The following ZFHX3 variants were observed in gnomAD, a reference collection of about 807,000 sequenced individuals.
The protein encoded by ZFHX3 is zinc finger homeobox 3.
Under a neutral mutation model 279.1 loss-of-function variants are expected in ZFHX3, and 42 were observed. The ratio of observed to expected loss-of-function variants is 0.15; its 90% confidence interval spans 0.12 to 0.19. ZFHX3 has a LOEUF of 0.19. ZFHX3 is among the 10% of genes least tolerant of loss of function. The pLI, the probability that ZFHX3 is intolerant of heterozygous loss-of-function variation, is 1.00. For synonymous variants in ZFHX3, 2,293 were observed against 1,957.8 expected (o/e 1.17, Z -4.52); for missense variants, 4,981 against 4,754.0 (o/e 1.05, Z -1.40).
In ZFHX3 at chr16:72,788,140, T is replaced by C; in HGVS notation, c.10136A>G (p.Gln3379Arg). 3 of 1,611,144 alleles carry C rather than the reference T, an allele frequency of 1.9e-6. No individual in the cohort carries two copies. The highest frequency in any genetic ancestry group is 2.5e-6 in the Non-Finnish European group (3 of 1,179,252). The change falls in exon 10 of 10, where the codon CAG becomes CGG. Residue 3379 changes from glutamine to arginine, a missense_variant. Coordinates refer to ENST00000268489, the MANE Select transcript of ZFHX3 (RefSeq NM_006885.4). The part of the protein sequence containing the change: ...QSLQEAIQQQ[Q>R]QRQLQQQQQQ... ...CTGCTGCTGCTGTAGTTGCCGCTGC[T>C]GCTGCTGCTGAATTGCCTCCTGCAG...
chr16:73,021,850 A>C (rs1407852933), intron 1 of ZFHX3, among the ~76,000 whole-genome samples: 7 of 151,598 alleles, frequency 4.6e-5, no homozygotes, highest in Admixed American at 4.6e-4. Context: ...AAAAAAAAAA[A>C]AAATCAATGA....
intron 8 of ZFHX3, among the ~76,000 whole-genome samples, chr16:73,069,603 G>C (rs1041421110): frequency 6.6e-6 from 1 of 152,206 alleles, no homozygotes; most frequent in Non-Finnish European, 1.5e-5. Flanking sequence ...TTGGTGGGTA[G>C]AGAAGGGGAA....
chr16:73,811,424 C>T (rs1960420690), intron 1 of ZFHX3, among the ~76,000 whole-genome samples: 1 of 151,504 alleles, frequency 6.6e-6, no homozygotes, highest in Non-Finnish European at 1.5e-5. Context: ...GATCTTCAAT[C>T]CCTTCAGTCT....
chr16:73,587,370 G>T (rs1327873545), intron 2 of ZFHX3, among the ~76,000 whole-genome samples: 3 of 152,196 alleles, frequency 2.0e-5, no homozygotes, highest in African/African-American at 7.2e-5. Context: ...AAAATTGGCT[G>T]TACAACAATT....
rs919696180 is a variant in ZFHX3 at position 72,861,923 on chromosome 16, G to A, written c.3448+27808C>T. On this transcript the variant is annotated intron_variant, in intron 4 of 9. Coordinates refer to ENST00000268489, the MANE Select transcript of ZFHX3 (RefSeq NM_006885.4). ...CCAACTACTAGGGAGGCTGAGGCAC[G>A]AGAATTGCTTGAACCCGGGAGGCAG... 8.5e-5 allele frequency among the ~76,000 whole-genome samples: 13 copies of A among 152,134 alleles called. No homozygotes were observed. In the South Asian group the frequency reaches 1.7e-3, roughly 19 times the overall value.
At chr16:73,371,545 A>G (rs2016630722) in intron 3 of ZFHX3, among the ~76,000 whole-genome samples, 1 of 151,814 alleles carries the variant, frequency 6.6e-6, no homozygotes, top group South Asian at 2.1e-4. Context: ...CCCAGTGTTA[A>G]ATGATAAGAA....
At chr16:73,003,568 T>C (rs1597078602) in intron 1 of ZFHX3, among the ~76,000 whole-genome samples, 1 of 121,482 alleles carries the variant, frequency 8.2e-6, no homozygotes. Flanking sequence ...TAGCTGGGAG[T>C]GATGGCGGGC....
intron 4 of ZFHX3, among the ~76,000 whole-genome samples, chr16:72,880,112 A>C (rs1028274454): frequency 3.9e-5 from 6 of 152,180 alleles, no homozygotes; most frequent in African/African-American, 1.4e-4. Flanking sequence ...AAACCAGAGA[A>C]GGCCTGGTGG....
chr16:72,838,814 A>C (rs929947535), intron 4 of ZFHX3, among the ~76,000 whole-genome samples: 3 of 152,266 alleles, frequency 2.0e-5, no homozygotes, highest in Non-Finnish European at 4.4e-5. Flanking sequence ...GCAGAAATCC[A>C]GAAAGGATAA....
At chr16:73,072,944 T>C (rs1036401240) in intron 8 of ZFHX3, among the ~76,000 whole-genome samples, 2 of 152,128 alleles carry the variant, frequency 1.3e-5, no homozygotes, top group African/African-American at 4.8e-5. Flanking sequence ...GTGCCCAGAC[T>C]GGAGTGCATT....
rs112837442 is a variant in ZFHX3, at chr16:73,783,316, C to T, written c.-1607-103076G>A. Among the ~76,000 whole-genome samples the T allele has an allele frequency of 6.3e-3, 957 of 152,320 alleles. 13 individuals are homozygous for T. Among genetic ancestry groups the T allele is most frequent in the African/African-American group, 0.022 (922 of 41,572 alleles). On this transcript the variant is annotated intron_variant, in intron 1 of 17. Coordinates refer to the ZFHX3 transcript ENST00000641206. ...TCTGCTGAGGCCTCTGCTGCAACTACGCCACTGTTGAACTCTTTCCTGTGT... is the reference window on the plus strand; with the variant it reads ...TCTGCTGAGGCCTCTGCTGCAACTATGCCACTGTTGAACTCTTTCCTGTGT...
intron 2 of ZFHX3, among the ~76,000 whole-genome samples, chr16:73,626,945 A>G (rs2052422604): frequency 6.6e-6 from 1 of 152,204 alleles, no homozygotes; most frequent in Non-Finnish European, 1.5e-5. Flanking sequence ...TGGGATAAAG[A>G]GGGACTTATA....
chr16:73,208,694 G>T (rs1028184387), intron 5 of ZFHX3, among the ~76,000 whole-genome samples: 4 of 152,174 alleles, frequency 2.6e-5, no homozygotes, highest in African/African-American at 9.6e-5. Context: ...TGCTACATAG[G>T]TAGCTATCTT....
chr16:73,457,756 C>T (rs943210112), intron 2 of ZFHX3, among the ~76,000 whole-genome samples: 20 of 152,142 alleles, frequency 1.3e-4, no homozygotes, highest in African/African-American at 4.8e-4. Flanking sequence ...GCCTGGGCAA[C>T]AGAGCGAGAC....
intron 3 of ZFHX3, among the ~76,000 whole-genome samples, chr16:73,363,007 G>A (rs575993181): frequency 6.6e-6 from 1 of 152,332 alleles, no homozygotes; most frequent in South Asian, 2.1e-4. Context: ...CCATCAAGAG[G>A]TGGAGTCTAT....
intron 2 of ZFHX3, among the ~76,000 whole-genome samples, chr16:73,493,697 C>A (rs1166138174): frequency 2.6e-5 from 4 of 152,104 alleles, no homozygotes; most frequent in Admixed American, 6.5e-5. Flanking sequence ...TTCCCTGGAT[C>A]TACTCAGGTA....
intron 4 of ZFHX3, among the ~76,000 whole-genome samples, chr16:72,882,289 G>C (rs566714765): frequency 2.7e-5 from 4 of 150,554 alleles, no homozygotes; most frequent in African/African-American, 9.8e-5. Flanking sequence ...CACTCATGAA[G>C]ATAGCATGGA....
Position 73,676,145 on chromosome 16 carries a change from C to A in ZFHX3, c.-1547+4035G>T, listed in dbSNP as rs190149966. On this transcript the variant is annotated intron_variant, in intron 2 of 17. Transcript: ENST00000641206. ...GAACAGTGAAACCAATTAAACATAA[C>A]AATAACTAATTATAGCAAAAATTTT... Among the ~76,000 whole-genome samples, 74 of 152,038 alleles carry A rather than the reference C, an allele frequency of 4.9e-4. 1 individual carries two copies. Among genetic ancestry groups the A allele is most frequent in the African/African-American group, 1.7e-3 (71 of 41,536 alleles).
intron 5 of ZFHX3, among the ~76,000 whole-genome samples, chr16:72,814,111 C>T (rs1207905275): frequency 6.6e-6 from 1 of 152,096 alleles, no homozygotes; most frequent in Non-Finnish European, 1.5e-5. Flanking sequence ...TTGTCACAGC[C>T]ATTTCTTTAC....
Sources: allele counts gnomAD v4.1 joint callset (sites outside exome capture counted in the v4.1 genomes callset), GRCh38; gene constraint gnomAD v4.1.1; transcripts MANE v1.5; gene names NCBI Gene and HGNC (gene_info 2026-07-23, HGNC 2026-07-21).